Variants in TMEM239 observed in about 807,000 individuals in gnomAD.
TMEM239 encodes transmembrane protein 239.
In TMEM239, 10 loss-of-function variants were observed where a neutral mutation model predicts 14.6. The observed-to-expected ratio is 0.68, with a 90% confidence interval of 0.42 to 1.16. The LOEUF (loss-of-function observed/expected upper bound fraction) is 1.16, where lower values mean the gene tolerates loss of function less well. Among genes scored for constraint, TMEM239 ranks in the 50% most tolerant of loss-of-function variants. The pLI, the probability that TMEM239 is intolerant of heterozygous loss-of-function variation, is 0.00. For synonymous variants in TMEM239, 94 were observed against 89.9 expected, an observed-to-expected ratio of 1.05 and a Z score of -0.26; for missense variants, 183 against 194.4, an observed-to-expected ratio of 0.94 and a Z score of 0.35.
downstream of TMEM239, chr20:2,820,226 G>C (rs777962222): frequency 2.0e-5 from 3 of 152,222 alleles, no homozygotes; most frequent in Non-Finnish European, 4.4e-5. Flanking sequence ...CAGGCAAGTG[G>C]GAGTAGGGTA....
downstream of TMEM239, chr20:2,819,134 G>A (rs2088703448): frequency 1.3e-5 from 2 of 152,428 alleles, no homozygotes; most frequent in African/African-American, 4.8e-5. Context: ...TGAGGGCAGA[G>A]ACCAGGCTGC....
At chr20:2,816,443 C>T (rs1182691163) in intron 1 of TMEM239, 28 bp downstream of exon 1, 4 of 1,535,542 alleles carry the variant, frequency 2.6e-6, no homozygotes, top group Middle Eastern at 3.4e-4. Flanking sequence ...ATTCTGTAGC[C>T]CCACCCCACG....
At chr20:2,815,839 C>CCATTT, upstream of TMEM239, 1 of 1,358,462 alleles carries the variant, frequency 7.4e-7, no homozygotes, top group Non-Finnish European at 1.0e-6. Context: ...CATCAGGCCC[C>CCATTT]CTTTTCTCCT....
downstream of TMEM239, chr20:2,818,893 G>A (rs890256072): frequency 6.6e-6 from 1 of 152,304 alleles, no homozygotes; most frequent in Non-Finnish European, 1.5e-5. Context: ...CCATTTTAGA[G>A]ATGAGAAGTC....
chr20:2,816,260 C>G (rs2088667344), upstream of TMEM239: 4 of 1,367,002 alleles, frequency 2.9e-6, no homozygotes, highest in South Asian at 1.3e-5. Flanking sequence ...TCACACCCTA[C>G]AGTGACTCCT....
At position 2,817,173 on chromosome 20, in the gene TMEM239, C is replaced by T; in HGVS notation, c.*160C>T. ...GACTGGCCTGACCCCGGACTCCTTC[C>T]TCAAGTCAATGCTGCAGGTTCCTGG... On this transcript the variant is annotated 3_prime_UTR_variant, in exon 2 of 2. Coordinates refer to ENST00000380585, the MANE Select transcript of TMEM239 (RefSeq NM_001167670.3). 1.1e-6 allele frequency: 1 copy of T among 916,022 alleles called. No individual in the cohort carries two copies. Among genetic ancestry groups the T allele is most frequent in the Non-Finnish European group, 1.6e-6 (1 of 622,024 alleles). 56.7% of individuals were successfully genotyped at this position (916,022 alleles called of 1,614,324 possible).
At chr20:2,816,177 G>A (rs2088666221), upstream of TMEM239, 1 of 640,486 alleles carries the variant, frequency 1.6e-6, no homozygotes, top group East Asian at 2.7e-5. Flanking sequence ...GAAAGCATGA[G>A]AAACTACATC....
chr20:2,817,303 C>T lies in TMEM239; in HGVS notation c.*290C>T, dbSNP rs1464228538. The T allele has an allele frequency of 3.5e-6, 2 of 575,306 alleles. No individual in the cohort carries two copies. The highest frequency in any genetic ancestry group is 1.9e-5 in the African/African-American group (1 of 53,636). The allele number at this position is 575,306 out of a possible 1,614,324, so 35.6% of individuals were successfully genotyped here. On this transcript the variant is annotated 3_prime_UTR_variant, in exon 2 of 2. Transcript: ENST00000380585. ...GAGCTTGACCAAGCCACTGATAGCG[C>T]CCATATGGATGTGATGATACCCGTG...
chr20:2,816,547 C>T lies in TMEM239; in HGVS notation c.-8C>T, dbSNP rs776816485. ...AAGACCCTGGCCCTCTCCCCAGGTGCACCAGACATGATGCAGCAGCCGCGA... is the reference window on the plus strand; with the variant it reads ...AAGACCCTGGCCCTCTCCCCAGGTGTACCAGACATGATGCAGCAGCCGCGA... On this transcript the variant is annotated 5_prime_UTR_variant, in exon 2 of 2. Coordinates refer to ENST00000380585, the MANE Select transcript of TMEM239 (RefSeq NM_001167670.3). 9 of 1,517,384 alleles carry T rather than the reference C, an allele frequency of 5.9e-6. No individual in the cohort carries two copies. Among genetic ancestry groups the T allele is most frequent in the East Asian group, 2.5e-5 (1 of 40,332 alleles). The allele number at this position is 1,517,384 out of a possible 1,614,324, so 94.0% of individuals were successfully genotyped here.
At chr20:2,818,717 C>T (rs1289988937), downstream of TMEM239, 1 of 152,278 alleles carries the variant, frequency 6.6e-6, no homozygotes, top group Non-Finnish European at 1.5e-5. Flanking sequence ...CCAGCACTCT[C>T]ACTTACTAAC....
At chr20:2,816,328 G>C, upstream of TMEM239, 1 of 1,535,792 alleles carries the variant, frequency 6.5e-7, no homozygotes, top group Non-Finnish European at 8.7e-7. Flanking sequence ...GGGGAGGGTG[G>C]GGGTAGATGA....
Position 2,817,536 on chromosome 20 carries a change from G to A in TMEM239, c.*523G>A, listed in dbSNP as rs2088692302. On this transcript the variant is annotated 3_prime_UTR_variant, in exon 2 of 2. Coordinates refer to ENST00000380585, the MANE Select transcript of TMEM239 (RefSeq NM_001167670.3). ...GGAGAAGGCTGGCCAGAAGCCCCAG[G>A]AGACCTCAACTCACTCGCTCTCCAA... 5.9e-6 allele frequency: 1 copy of A among 169,204 alleles called. No homozygotes were observed. Among genetic ancestry groups the A allele is most frequent in the Non-Finnish European group, 1.3e-5 (1 of 77,860 alleles). 10.5% of individuals were successfully genotyped at this position (169,204 alleles called of 1,614,324 possible).
chr20:2,820,093 A>C (rs577683169), downstream of TMEM239: 3 of 152,366 alleles, frequency 2.0e-5, no homozygotes, highest in African/African-American at 7.2e-5. Context: ...ATTGAAAAAG[A>C]AATGGAATGA....
Position 2,817,475 on chromosome 20 carries a change from ACT to A in TMEM239, c.*465_*466del. On this transcript the variant is annotated 3_prime_UTR_variant, in exon 2 of 2. Transcript: ENST00000380585. The stretch of plus-strand genomic sequence containing the variant: ...CTTTCCACTTCCAGGAGAACCACAG[ACT>A]CTAGAGAGGGTCCCAGTGACAAAAA... 1 of 210,626 alleles carries A rather than the reference ACT, an allele frequency of 4.7e-6. No individual in the cohort carries two copies. The highest frequency in any genetic ancestry group is 9.6e-6 in the Non-Finnish European group (1 of 104,286). 13.0% of individuals were successfully genotyped at this position (210,626 alleles called of 1,614,324 possible). A position where few individuals can be genotyped will look rare whatever the true frequency, so the allele number is the denominator to read the frequency against.
rs765141732 is a variant in TMEM239, at chr20:2,816,875, C to G, written c.321C>G (p.Leu107=). Residue 107 remains leucine, a synonymous_variant, in exon 2 of 2, where the codon CTC becomes CTG. Coordinates refer to ENST00000380585, the MANE Select transcript of TMEM239 (RefSeq NM_001167670.3). ...TGTGGCGCCACCTGCTACCGGCTCT[C>G]CTGCTGCTGGTGCTCAGTGCTCTGC... ...AAVWRHLLPA[L]LLLVLSALPA... is the part of the protein sequence containing the mutation. 15 of 1,544,750 alleles carry G rather than the reference C, an allele frequency of 9.7e-6. No homozygotes were observed. Among genetic ancestry groups the G allele is most frequent in the African/African-American group, 2.7e-5 (2 of 73,064 alleles).
Position 2,817,354 on chromosome 20 carries a change from C to T in TMEM239, c.*341C>T, listed in dbSNP as rs778774852. On this transcript the variant is annotated 3_prime_UTR_variant, in exon 2 of 2. Transcript: ENST00000380585. ...GGGCCCCCTTGGCAACTGACAGCAT[C>T]TTTTTCTCATAGCCACTCAGCTGTC... 6.1e-6 allele frequency: 3 copies of T among 491,554 alleles called. No homozygotes were observed. Among genetic ancestry groups the T allele is most frequent in the Non-Finnish European group, 7.2e-6 (2 of 278,518 alleles). 30.4% of individuals were successfully genotyped at this position (491,554 alleles called of 1,614,324 possible).
intron 1 of TMEM239, 30 bp from the exon 2 acceptor site, chr20:2,816,514 G>C (rs1468659172): frequency 9.0e-7 from 1 of 1,113,572 alleles, no homozygotes; most frequent in South Asian, 1.4e-5. Context: ...AAGGTCCCAG[G>C]CATCTTCAAG....
At position 2,817,430 on chromosome 20, in the gene TMEM239, ATTCCTC is replaced by A; in HGVS notation, c.*418_*423del. Reference sequence around the variant, plus strand: ...CTACCTGGGTACCACTGGCCTTGCCATTCCTCCCACCAATCCCCTCTTTCCACTTCC... The same window carrying A: ...CTACCTGGGTACCACTGGCCTTGCCACCACCAATCCCCTCTTTCCACTTCC... On this transcript the variant is annotated 3_prime_UTR_variant, in exon 2 of 2. Coordinates refer to ENST00000380585, the MANE Select transcript of TMEM239 (RefSeq NM_001167670.3). The A allele has an allele frequency of 6.7e-6, 2 of 297,056 alleles. No individual in the cohort carries two copies. The highest frequency in any genetic ancestry group is 4.6e-5 in the Admixed American group (1 of 21,666). 18.4% of individuals were successfully genotyped at this position (297,056 alleles called of 1,614,324 possible).
At chr20:2,818,268 C>A (rs2088698791), downstream of TMEM239, 1 of 152,232 alleles carries the variant, frequency 6.6e-6, no homozygotes, top group Non-Finnish European at 1.5e-5. Flanking sequence ...GCTGGCCCCT[C>A]CAACAAAACA....
Sources: gnomAD v4.1 joint callset for allele counts on GRCh38, gnomAD v4.1.1 for gene constraint, MANE v1.5 for transcripts, NCBI Gene and HGNC (gene_info 2026-07-23, HGNC 2026-07-21) for gene names.